MBD2: variants seen among roughly 807,000 people sequenced by gnomAD.
MBD2 encodes methyl-CpG binding domain protein 2.
Under a neutral mutation model 39.3 loss-of-function variants are expected in MBD2, and 9 were observed. That is an observed-to-expected ratio of 0.23 (90% CI 0.14 to 0.40). The LOEUF is 0.40. Among genes scored for constraint, MBD2 ranks in the 10% least tolerant of loss-of-function variants. The pLI, the probability that MBD2 is intolerant of heterozygous loss-of-function variation, is 1.00. For missense variants in MBD2, 458 were observed against 532.6 expected (o/e 0.86, Z 1.38); for synonymous variants, 233 against 211.1 (o/e 1.10, Z -0.90).
chr18:54,188,214 G>T (rs1395368665), intron 3 of MBD2, among the ~76,000 whole-genome samples: 2 of 152,184 alleles, frequency 1.3e-5, no homozygotes, highest in Admixed American at 1.3e-4. Flanking sequence ...GAATAAGTAA[G>T]GTTACGTGGA....
intron 4 of MBD2, among the ~76,000 whole-genome samples, 174 bp downstream of exon 4, chr18:54,165,902 T>G (rs1007061074): frequency 6.6e-6 from 1 of 152,252 alleles, no homozygotes; most frequent in Non-Finnish European, 1.5e-5. Context: ...AAGTTTCTCA[T>G]GTACCTTCTT....
rs1324633808 is a variant in MBD2 at position 54,153,850 on chromosome 18, C to T, written c.*1474G>A. 6.6e-6 allele frequency: 1 copy of T among 152,138 alleles called. No individual in the cohort carries two copies. The highest frequency in any genetic ancestry group is 2.4e-5 in the African/African-American group (1 of 41,402). The allele number at this position is 152,138 out of a possible 1,614,324, so 9.4% of individuals were successfully genotyped here. The stretch of plus-strand genomic sequence containing the variant: ...CTAGGGTCCAGGGATCAAAGTTGAG[C>T]GTAAATCAGGAATTCCAAGAAGTAT... On this transcript the variant is annotated 3_prime_UTR_variant, in exon 7 of 7. Transcript: ENST00000256429.
At chr18:54,210,084 T>C (rs2086489762) in intron 1 of MBD2, among the ~76,000 whole-genome samples, 1 of 152,132 alleles carries the variant, frequency 6.6e-6, no homozygotes, top group African/African-American at 2.4e-5. Flanking sequence ...ACTATTTCAC[T>C]TTCAACCACA....
intron 3 of MBD2, among the ~76,000 whole-genome samples, chr18:54,168,585 A>T (rs586302): frequency 1.6e-5 from 1 of 60,826 alleles, no homozygotes; most frequent in Non-Finnish European, 3.3e-5. Context: ...ATATATATAT[A>T]TATATATATA....
chr18:54,193,064 G>A (rs2086334222), intron 2 of MBD2, among the ~76,000 whole-genome samples: 1 of 152,198 alleles, frequency 6.6e-6, no homozygotes, highest in Admixed American at 6.5e-5. Flanking sequence ...ATGAAGCTGA[G>A]CAATCTGTAA....
intron 2 of MBD2, among the ~76,000 whole-genome samples, chr18:54,192,483 G>A (rs776095792): frequency 8.6e-5 from 13 of 151,964 alleles, no homozygotes; most frequent in Admixed American, 2.0e-4. Flanking sequence ...TGCCTGCCTC[G>A]GCCTCCCAAA....
chr18:54,173,399 A>G (rs1417942549), intron 3 of MBD2, among the ~76,000 whole-genome samples: 1 of 152,204 alleles, frequency 6.6e-6, no homozygotes, highest in Non-Finnish European at 1.5e-5. Context: ...TCTTTTAAGC[A>G]CAAGGCCCTG....
chr18:54,199,981 T>C (rs894877051), intron 2 of MBD2, among the ~76,000 whole-genome samples: 1 of 152,070 alleles, frequency 6.6e-6, no homozygotes, highest in African/African-American at 2.4e-5. Flanking sequence ...TTAAAACAAG[T>C]ACTTTCTAGA....
intron 2 of MBD2, among the ~76,000 whole-genome samples, chr18:54,194,737 T>C (rs2086352281): frequency 6.6e-6 from 1 of 152,074 alleles, no homozygotes; most frequent in African/African-American, 2.4e-5. Context: ...ATAGAATGAA[T>C]TTTATTCCAC....
At chr18:54,218,017 CACA>C (rs2086575627) in intron 1 of MBD2, among the ~76,000 whole-genome samples, 1 of 152,174 alleles carries the variant, frequency 6.6e-6, no homozygotes, top group Admixed American at 6.5e-5. Flanking sequence ...GCTTCAATCA[CACA>C]ACATCAAGAG....
intron 3 of MBD2, among the ~76,000 whole-genome samples, chr18:54,172,119 G>A (rs1048707263): frequency 6.6e-6 from 1 of 152,204 alleles, no homozygotes; most frequent in African/African-American, 2.4e-5. Flanking sequence ...AGTCTCAATT[G>A]TAGGTGATCT....
chr18:54,217,615 A>G (rs948806249), intron 1 of MBD2, among the ~76,000 whole-genome samples: 3 of 152,230 alleles, frequency 2.0e-5, no homozygotes, highest in Non-Finnish European at 4.4e-5. Context: ...TATGAGCCCC[A>G]CTATAGAATC....
At chr18:54,211,552 G>A (rs1226317225) in intron 1 of MBD2, among the ~76,000 whole-genome samples, 1 of 151,962 alleles carries the variant, frequency 6.6e-6, no homozygotes, top group Non-Finnish European at 1.5e-5. Flanking sequence ...GCTTGTCCCT[G>A]ATAGATTTTA....
intron 2 of MBD2, among the ~76,000 whole-genome samples, chr18:54,197,845 G>A (rs2086378186): frequency 6.6e-6 from 1 of 152,166 alleles, no homozygotes; most frequent in Non-Finnish European, 1.5e-5. Flanking sequence ...GTACTCAACA[G>A]TGGCCCACAC....
At chr18:54,189,098 A>C in intron 2 of MBD2, 87 bp from the exon 3 acceptor site, 1 of 878,588 alleles carries the variant, frequency 1.1e-6, no homozygotes, top group Non-Finnish European at 1.7e-6. Context: ...TATTACTTTA[A>C]ATCAAATTAT....
At chr18:54,178,175 T>A (rs1362270834) in intron 3 of MBD2, among the ~76,000 whole-genome samples, 1 of 151,920 alleles carries the variant, frequency 6.6e-6, no homozygotes, top group Admixed American at 6.6e-5. Context: ...CATCGAGAAA[T>A]AGAAGTACAT....
chr18:54,154,694 T>C lies in MBD2; in HGVS notation c.*630A>G, dbSNP rs1165008101. On this transcript the variant is annotated 3_prime_UTR_variant, in exon 7 of 7. Transcript: ENST00000256429. ...TTCTCACAACGTCCAGAGGCAATAG[T>C]TCATACTGCAAATATATGCGCTATC... 5 of 152,532 alleles carry C rather than the reference T, an allele frequency of 3.3e-5. No homozygotes were observed. The East Asian group carries it at 9.6e-4, about 29-fold the overall frequency. 9.4% of individuals were successfully genotyped at this position (152,532 alleles called of 1,614,324 possible). A position where few individuals can be genotyped will look rare whatever the true frequency, so the allele number is the denominator to read the frequency against.
chr18:54,167,299 T>C (rs1291113965), intron 3 of MBD2, among the ~76,000 whole-genome samples: 1 of 152,062 alleles, frequency 6.6e-6, no homozygotes, highest in East Asian at 1.9e-4. Flanking sequence ...ATAGACAACC[T>C]TGGACAAGGT....
At chr18:54,217,432 T>C (rs797001371) in intron 1 of MBD2, among the ~76,000 whole-genome samples, 1 of 152,310 alleles carries the variant, frequency 6.6e-6, no homozygotes, top group African/African-American at 2.4e-5. Context: ...ATTTTCCTAA[T>C]CGTTTCTCAC....
Sources: gnomAD v4.1 joint callset for allele counts (sites outside exome capture counted in the v4.1 genomes callset) on GRCh38, gnomAD v4.1.1 for gene constraint, MANE v1.5 for transcripts, NCBI Gene and HGNC (gene_info 2026-07-23, HGNC 2026-07-21) for gene names.